Variants in TRPM2 observed in about 807,000 individuals in gnomAD.
TRPM2 encodes estrogen-responsive element-associated gene 1 protein.
In TRPM2, 161 loss-of-function variants were observed where a neutral mutation model predicts 174.0. The ratio of observed to expected loss-of-function variants is 0.93; its 90% CI spans 0.81 to 1.05. The LOEUF (loss-of-function observed/expected upper bound fraction) is 1.05. TRPM2 is among the 50% of genes least tolerant of loss of function. TRPM2 has a pLI of 0.00. For synonymous variants in TRPM2, 954 were observed against 861.3 expected (o/e 1.11, Z -1.88); for missense variants, 2,057 against 2,038.0 (o/e 1.01, Z -0.18).
chr21:44,427,883 G>T (rs754217140), intron 27 of TRPM2, among the ~76,000 whole-genome samples: 1 of 152,118 alleles, frequency 6.6e-6, no homozygotes. Flanking sequence ...AGCTGCAGGC[G>T]GCCCGCTCTG....
At chr21:44,356,024 A>C (rs1602112400) in intron 2 of TRPM2, among the ~76,000 whole-genome samples, 1 of 150,896 alleles carries the variant, frequency 6.6e-6, no homozygotes. Context: ...TAGATGTTAT[A>C]AAAATAGTTA....
chr21:44,426,712 C>A lies in TRPM2; in HGVS notation c.3848C>A (p.Ala1283Glu). The change falls in exon 26 of 32, where the codon GCG (alanine) becomes GAG (glutamate). Residue 1283 changes from alanine (A) to glutamate (E), a missense_variant. By Grantham distance (107) the Ala-to-Glu change is moderately radical. Coordinates refer to ENST00000397928, the MANE Select transcript of TRPM2 (RefSeq NM_003307.4). ...TTTTACACGGCAGAGAGGAAGGACG[C>A]GGCCGCCATGGACCCCATGGGAGAG... is the stretch of plus-strand genomic sequence containing the variant. ...PPFYTAERKDAAAMDPMGDTL... is the reference protein window; with the variant it reads ...PPFYTAERKDEAAMDPMGDTL... 1 of 1,614,088 alleles carries A rather than the reference C, an allele frequency of 6.2e-7. No homozygotes were observed. Among genetic ancestry groups the A allele is most frequent in the Non-Finnish European group, 8.5e-7 (1 of 1,179,998 alleles).
Position 44,441,875 on chromosome 21 carries a change from T to A in TRPM2, c.*58T>A, listed in dbSNP as rs2051520829. 2 of 1,529,696 alleles carry A rather than the reference T, an allele frequency of 1.3e-6. No homozygotes were observed. Among genetic ancestry groups the A allele is most frequent in the Non-Finnish European group, 1.8e-6 (2 of 1,136,208 alleles). 94.8% of individuals were successfully genotyped at this position (1,529,696 alleles called of 1,614,324 possible). ...AGACGTTCCCCCCAGAAACCAGGGCTTCTCTCTCCTGAGCCTGGCCAGGAC... is the reference window on the plus strand; with the variant it reads ...AGACGTTCCCCCCAGAAACCAGGGCATCTCTCTCCTGAGCCTGGCCAGGAC... On this transcript the variant is annotated 3_prime_UTR_variant, in exon 32 of 32. Transcript: ENST00000397928.
chr21:44,423,866 C>A (rs1473082819), intron 23 of TRPM2, 134 bp downstream of exon 23: 7 of 772,362 alleles, frequency 9.1e-6, no homozygotes, highest in South Asian at 1.6e-5. Context: ...TTGGGGCAGC[C>A]ATTCCCAGCT....
At position 44,391,595 on chromosome 21, in the gene TRPM2, C is replaced by T. The variant is rs762486032; in HGVS notation, c.1764C>T (p.Leu588=). 1 of 1,584,998 alleles carries T rather than the reference C, an allele frequency of 6.3e-7. No homozygotes were observed. Among genetic ancestry groups the T allele is most frequent in the Non-Finnish European group, 8.5e-7 (1 of 1,172,270 alleles). ...CCCGGCACAACGACCGGCTGCGGCT[C>T]CTGCTGCCCGTTCCCCACGTCAAGC... is the stretch of plus-strand genomic sequence containing the variant. ...PRPRHNDRLR[L]LLPVPHVKLN... is the part of the protein sequence containing the mutation. Residue 588 remains leucine, a synonymous_variant, in exon 11 of 32, where the codon CTC becomes CTT. Transcript: ENST00000397928. This position sits in a 1 kb window ranked among gnomAD's most constrained non-coding sequence, Gnocchi z 5.0.
chr21:44,403,664 CAT>C (rs1320870065), intron 16 of TRPM2, among the ~76,000 whole-genome samples: 1 of 148,496 alleles, frequency 6.7e-6, no homozygotes, highest in East Asian at 1.9e-4. Context: ...CACACACATG[CAT>C]ACACACATGC....
intron 2 of TRPM2, among the ~76,000 whole-genome samples, chr21:44,361,987 G>A (rs921553445): frequency 1.3e-5 from 2 of 152,180 alleles, no homozygotes; most frequent in African/African-American, 4.8e-5. Context: ...CGGATTACAG[G>A]CGTGAGCCAC....
At chr21:44,369,033 G>A in intron 4 of TRPM2, 144 bp from the exon 5 acceptor site, 3 of 898,270 alleles carry the variant, frequency 3.3e-6, no homozygotes, top group Non-Finnish European at 3.2e-6. Flanking sequence ...TACACCTGAT[G>A]CTGGTTTGAA....
At chr21:44,410,058 C>T (rs1173102552) in intron 19 of TRPM2, among the ~76,000 whole-genome samples, 2 of 151,422 alleles carry the variant, frequency 1.3e-5, no homozygotes, top group Non-Finnish European at 2.9e-5. Context: ...TTTGATCGCG[C>T]TGTCTTGGTG....
Position 44,399,929 on chromosome 21 carries a change from C to T in TRPM2, c.2209-330C>T, listed in dbSNP as rs981703226. Among the ~76,000 whole-genome samples, 3 of 152,264 alleles carry T rather than the reference C, an allele frequency of 2.0e-5. No individual in the cohort carries two copies. Among genetic ancestry groups the T allele is most frequent in the East Asian group, 1.9e-4 (1 of 5,178 alleles). The stretch of plus-strand genomic sequence containing the variant: ...AGCTATTGCCAAGTCCATGAGCTCC[C>T]GTCATGTCCTGGGCTGTGCCAGGCC... On this transcript the variant is annotated intron_variant, in intron 14 of 31. Transcript: ENST00000397928. The surrounding 1 kb of genome is among the most constrained non-coding windows in gnomAD (Gnocchi z 4.6).
At chr21:44,364,384 C>A in intron 3 of TRPM2, 102 bp downstream of exon 3, 1 of 1,441,368 alleles carries the variant, frequency 6.9e-7, no homozygotes, top group Non-Finnish European at 9.5e-7. Flanking sequence ...AGGAGGCTGG[C>A]AAAGCTCCAG....
At chr21:44,361,067 ATACGC>A (rs2048194791) in intron 2 of TRPM2, among the ~76,000 whole-genome samples, 1 of 152,150 alleles carries the variant, frequency 6.6e-6, no homozygotes, top group African/African-American at 2.4e-5. Context: ...CAATGGAATC[ATACGC>A]TACATGACCC....
chr21:44,387,696 A>G (rs1430302484), intron 9 of TRPM2, among the ~76,000 whole-genome samples: 1 of 152,212 alleles, frequency 6.6e-6, no homozygotes, highest in African/African-American at 2.4e-5. Flanking sequence ...CCTATAACTC[A>G]ACAATAAAAA....
intron 9 of TRPM2, among the ~76,000 whole-genome samples, chr21:44,384,906 A>G (rs1418767556): frequency 2.0e-5 from 3 of 152,230 alleles, no homozygotes; most frequent in Admixed American, 2.0e-4. Flanking sequence ...ACTTTCCCCA[A>G]CAATTCAAGA....
In TRPM2 at chr21:44,367,593, C is replaced by G. The variant is rs1025651957; in HGVS notation, c.604+659C>G. On this transcript the variant is annotated intron_variant, in intron 4 of 31. Coordinates refer to ENST00000397928, the MANE Select transcript of TRPM2 (RefSeq NM_003307.4). The surrounding 1 kb of genome is among the most constrained non-coding windows in gnomAD (Gnocchi z 4.6). Reference sequence around the variant, plus strand: ...CCCTAATTCCATGGGGAGGGGGCCCCAAGTCCTCAAGGCTCCCTGGGCCTC... The same window carrying G: ...CCCTAATTCCATGGGGAGGGGGCCCGAAGTCCTCAAGGCTCCCTGGGCCTC... Among the ~76,000 whole-genome samples the G allele has an allele frequency of 6.6e-6, 1 of 152,178 alleles. No individual in the cohort carries two copies. Among genetic ancestry groups the G allele is most frequent in the Non-Finnish European group, 1.5e-5 (1 of 68,024 alleles).
At chr21:44,411,214 G>A (rs1039918686) in intron 19 of TRPM2, among the ~76,000 whole-genome samples, 1 of 152,198 alleles carries the variant, frequency 6.6e-6, no homozygotes, top group Non-Finnish European at 1.5e-5. Context: ...AAGGGCATCT[G>A]TGATTTTGAT....
In TRPM2 at chr21:44,391,480, C is replaced by A. The variant is rs1256441456; in HGVS notation, c.1649C>A (p.Ala550Glu). ...GAGGATCCCGAGCGCCCGGCTTGCG[C>A]GCCCGCGGCGCCCCGCCTGCAGATG... ...LVEDPERPAC[A>E]PAAPRLQMHH... is the part of the protein sequence containing the mutation. The change falls in exon 11 of 32, where the codon GCG becomes GAG. Residue 550 changes from alanine to glutamate, a missense_variant. Ala to Glu is a moderately radical substitution (Grantham distance 107, BLOSUM62 -1). Coordinates refer to ENST00000397928, the MANE Select transcript of TRPM2 (RefSeq NM_003307.4). The surrounding 1 kb of genome is among the most constrained non-coding windows in gnomAD (Gnocchi z 5.0). 4 of 1,598,580 alleles carry A rather than the reference C, an allele frequency of 2.5e-6. No homozygotes were observed. Among genetic ancestry groups the A allele is most frequent in the South Asian group, 1.1e-5 (1 of 90,364 alleles).
At chr21:44,350,814 C>G (rs2047916939), upstream of TRPM2, among the ~76,000 whole-genome samples, 1 of 151,724 alleles carries the variant, frequency 6.6e-6, no homozygotes, top group South Asian at 2.1e-4. Context: ...GACGCCTTGC[C>G]GCTGGAGCGA....
In TRPM2 at chr21:44,395,522, CG is replaced by C; in HGVS notation, c.1906del (p.Glu636SerfsTer24). ...CATTTGGGCCATTGTCCAGAACCGT[CG>C]GGAGCTGGCAGGAATCATCTGGGCT... is the stretch of plus-strand genomic sequence containing the variant. The part of the protein sequence containing the change: ...LLIWAIVQNR[R>X]ELAGIIWAQS... On this transcript the variant is annotated frameshift_variant, in exon 12 of 32. Coordinates refer to ENST00000397928, the MANE Select transcript of TRPM2 (RefSeq NM_003307.4). LOFTEE classifies it high-confidence loss of function. 1 of 1,613,080 alleles carries C rather than the reference CG, an allele frequency of 6.2e-7. No individual in the cohort carries two copies. The highest frequency in any genetic ancestry group is 1.1e-5 in the South Asian group (1 of 91,074).
Sources: allele counts gnomAD v4.1 joint callset (sites outside exome capture counted in the v4.1 genomes callset), GRCh38; gene constraint gnomAD v4.1.1; non-coding constraint Gnocchi (gnomAD v3.1); transcripts MANE v1.5; gene names NCBI Gene and HGNC (gene_info 2026-07-23, HGNC 2026-07-21).